STK11: variants seen among roughly 807,000 people sequenced by gnomAD.
The protein encoded by STK11 is serine/threonine-protein kinase STK11.
A neutral mutation model predicts 47.3 loss-of-function variants in STK11; 8 were observed. The observed-to-expected ratio is 0.17, with a 90% confidence interval of 0.10 to 0.31. The LOEUF (loss-of-function observed/expected upper bound fraction) is 0.31, where lower values mean the gene tolerates loss of function less well. Ranked by LOEUF, STK11 falls within the 10% of genes least tolerant of loss-of-function variation. The pLI is 1.00. For synonymous variants in STK11, 330 were observed against 255.8 expected, an observed-to-expected ratio of 1.29 and a Z score of -2.77; for missense variants, 475 against 605.0, an observed-to-expected ratio of 0.79 and a Z score of 2.25.
intron 1 of STK11, among the ~76,000 whole-genome samples, chr19:1,217,910 C>G (rs1167984206): frequency 1.3e-5 from 2 of 152,026 alleles, no homozygotes; most frequent in Non-Finnish European, 2.9e-5. Flanking sequence ...TTTGGGAGGC[C>G]GAGGCGGGCG....
At position 1,206,904 on chromosome 19, in the gene STK11, T is replaced by C; in HGVS notation, c.-10T>C. ...GGCTGGCGGCGGGACTCCAGGACCCTGGGTCCAGCATGGAGGTGGTGGACC... is the reference window on the plus strand; with the variant it reads ...GGCTGGCGGCGGGACTCCAGGACCCCGGGTCCAGCATGGAGGTGGTGGACC... On this transcript the variant is annotated 5_prime_UTR_variant, in exon 1 of 10. Transcript: ENST00000326873. 1 of 1,565,358 alleles carries C rather than the reference T, an allele frequency of 6.4e-7. No homozygotes were observed. The highest frequency in any genetic ancestry group is 8.7e-7 in the Non-Finnish European group (1 of 1,154,828).
intron 1 of STK11, among the ~76,000 whole-genome samples, chr19:1,210,863 G>GA (rs952948413): frequency 1.2e-4 from 17 of 136,988 alleles, no homozygotes; most frequent in South Asian, 2.4e-4. Context: ...ACTCCGTCTC[G>GA]AAAAAAAAAA....
intron 1 of STK11, among the ~76,000 whole-genome samples, chr19:1,211,938 G>C (rs1239653258): frequency 1.3e-5 from 2 of 152,228 alleles, no homozygotes; most frequent in Non-Finnish European, 2.9e-5. Flanking sequence ...CATCTGCTGA[G>C]GCCCCTGCGC....
chr19:1,218,569 C>T (rs1010966333), intron 2 of STK11, 69 bp downstream of exon 2: 21 of 1,323,352 alleles, frequency 1.6e-5, no homozygotes, highest in South Asian at 3.5e-5. Flanking sequence ...CCGCCTGCCT[C>T]GAGGCCTGCT....
Position 1,227,885 on chromosome 19 carries a change from GC to G in STK11, c.*313del. ...CATGCACTTTATGTGGAGACTACTG[GC>G]CCCGCCCGTGGCCTCGTGCTCCGCA... is the stretch of plus-strand genomic sequence containing the variant. On this transcript the variant is annotated 3_prime_UTR_variant, in exon 10 of 10. Coordinates refer to ENST00000326873, the MANE Select transcript of STK11 (RefSeq NM_000455.5). The G allele has an allele frequency of 9.4e-7, 1 of 1,069,406 alleles. No individual in the cohort carries two copies. The highest frequency in any genetic ancestry group is 1.1e-6 in the Non-Finnish European group (1 of 881,812). 66.2% of individuals were successfully genotyped at this position (1,069,406 alleles called of 1,614,324 possible).
Position 1,227,656 on chromosome 19 carries a change from C to T in STK11, c.*80C>T, listed in dbSNP as rs1484019445. On this transcript the variant is annotated 3_prime_UTR_variant, in exon 10 of 10. Coordinates refer to ENST00000326873, the MANE Select transcript of STK11 (RefSeq NM_000455.5). ...CCTCAGTCTTCCTGCCGGTTCCGCC[C>T]GCCCTCCCGGAGAGGTGGCCGCCAT... 2 of 1,068,150 alleles carry T rather than the reference C, an allele frequency of 1.9e-6. No individual in the cohort carries two copies. The highest frequency in any genetic ancestry group is 1.1e-6 in the Non-Finnish European group (1 of 881,150). The allele number at this position is 1,068,150 out of a possible 1,614,324, so 66.2% of individuals were successfully genotyped here.
At chr19:1,208,784 A>ATTT (rs138858798) in intron 1 of STK11, among the ~76,000 whole-genome samples, 19 of 121,774 alleles carry the variant, frequency 1.6e-4, no homozygotes, top group South Asian at 5.6e-4. Context: ...TGCCCAGCTA[A>ATTT]TTTTTTTTTT....
At position 1,221,223 on chromosome 19, in the gene STK11, A is replaced by T; in HGVS notation, c.745A>T (p.Thr249Ser). ...CCCCTCGAAATGAAGCTACAACATCACCACGGGTCTGTACCCCTTCGAAGG... is the reference window on the plus strand; with the variant it reads ...CCCCTCGAAATGAAGCTACAACATCTCCACGGGTCTGTACCCCTTCGAAGG... ...WSAGVTLYNI[T>S]TGLYPFEGDN... The change falls in exon 6 of 10, where the codon ACC (threonine) becomes TCC (serine). Residue 249 changes from threonine to serine, a missense_variant. Physicochemically the swap from Thr to Ser is moderately conservative, Grantham distance 58. Coordinates refer to ENST00000326873, the MANE Select transcript of STK11 (RefSeq NM_000455.5). The T allele has an allele frequency of 6.2e-7, 1 of 1,612,152 alleles. No homozygotes were observed. Among genetic ancestry groups the T allele is most frequent in the South Asian group, 1.1e-5 (1 of 91,056 alleles).
intron 7 of STK11, among the ~76,000 whole-genome samples, chr19:1,222,593 C>T (rs1393815879): frequency 6.6e-6 from 1 of 152,182 alleles, no homozygotes; most frequent in Non-Finnish European, 1.5e-5. Context: ...CCTTGGGGGT[C>T]TCTGCACAGC....
intron 8 of STK11, chr19:1,224,738 C>T: frequency 1.0e-6 from 1 of 985,790 alleles, no homozygotes; most frequent in South Asian, 4.7e-5. Flanking sequence ...TTTCATGACC[C>T]TGCTAAGCCC....
rs1048279720 is a variant in STK11 at position 1,224,141 on chromosome 19, C to G, written c.1108+969C>G. On this transcript the variant is annotated intron_variant, in intron 8 of 9. Coordinates refer to ENST00000326873, the MANE Select transcript of STK11 (RefSeq NM_000455.5). ...CTAGGCTCAGCTCAGTAGCTGGTCCCCAGGAGAGTACAGTGTGGGGGCCCC... is the reference window on the plus strand; with the variant it reads ...CTAGGCTCAGCTCAGTAGCTGGTCCGCAGGAGAGTACAGTGTGGGGGCCCC... 4.0e-6 allele frequency: 4 copies of G among 988,308 alleles called. No individual in the cohort carries two copies. The African/African-American group carries it at 7.0e-5, about 17-fold the overall frequency. The allele number at this position is 988,308 out of a possible 1,614,324, so 61.2% of individuals were successfully genotyped here. A position where few individuals can be genotyped will look rare whatever the true frequency, so the allele number is the denominator to read the frequency against.
intron 8 of STK11, chr19:1,225,070 C>G (rs536417323): frequency 2.0e-6 from 2 of 986,000 alleles, no homozygotes; most frequent in Non-Finnish European, 1.2e-6. Flanking sequence ...CTGCCAACAC[C>G]CAGATCCCAG....
chr19:1,226,708 T>G, intron 9 of STK11, 45 bp downstream of exon 9: 5 of 1,447,398 alleles, frequency 3.5e-6, no homozygotes, highest in Non-Finnish European at 4.5e-6. Flanking sequence ...GGACAACGCC[T>G]GGATGCCACA....
At position 1,223,078 on chromosome 19, in the gene STK11, G is replaced by A. The variant is rs375462277; in HGVS notation, c.1014G>A (p.Val338=). The A allele has an allele frequency of 1.2e-6, 2 of 1,608,512 alleles. No homozygotes were observed. The highest frequency in any genetic ancestry group is 8.5e-7 in the Non-Finnish European group (1 of 1,178,162). Residue 338 remains valine, a synonymous_variant, in exon 8 of 10, where the codon GTG becomes GTA. Transcript: ENST00000326873. ...TKDRWRSMTV[V]PYLEDLHGAD... ...ACCGGTGGCGCAGCATGACTGTGGTGCCGTACTTGGAGGACCTGCACGGCG... is the reference window on the plus strand; with the variant it reads ...ACCGGTGGCGCAGCATGACTGTGGTACCGTACTTGGAGGACCTGCACGGCG...
At chr19:1,215,176 C>T (rs1463816237) in intron 1 of STK11, among the ~76,000 whole-genome samples, 1 of 152,196 alleles carries the variant, frequency 6.6e-6, no homozygotes, top group Non-Finnish European at 1.5e-5. Context: ...CTTTGCCGAG[C>T]CCAGCCTCAC....
At chr19:1,211,300 TTAAAA>T (rs1333323971) in intron 1 of STK11, among the ~76,000 whole-genome samples, 1 of 152,128 alleles carries the variant, frequency 6.6e-6, no homozygotes, top group African/African-American at 2.4e-5. Context: ...AAACAATTAA[TTAAAA>T]TAAAATCAGT....
rs562538610 is a variant in STK11, at chr19:1,209,075, G to T, written c.290+1872G>T. 1.9e-4 allele frequency among the ~76,000 whole-genome samples: 29 copies of T among 152,286 alleles called. 1 individual carries two copies. In the Middle Eastern group the frequency reaches 0.024, roughly 125 times the overall value. On this transcript the variant is annotated intron_variant, in intron 1 of 9. Transcript: ENST00000326873. ...GGCCTTTCTGATGTCTCAGTGCCCA[G>T]TCTGGACCCGGGTAGAAGGTGTGGC...
intron 1 of STK11, among the ~76,000 whole-genome samples, chr19:1,211,306 T>G (rs984293537): frequency 5.3e-5 from 8 of 152,036 alleles, no homozygotes; most frequent in Admixed American, 5.2e-4. Flanking sequence ...TTAATTAAAA[T>G]AAAATCAGTG....
Position 1,227,705 on chromosome 19 carries a change from G to T in STK11, c.*129G>T. 9.3e-7 allele frequency: 1 copy of T among 1,070,292 alleles called. No individual in the cohort carries two copies. Among genetic ancestry groups the T allele is most frequent in the Non-Finnish European group, 1.1e-6 (1 of 882,344 alleles). The allele number at this position is 1,070,292 out of a possible 1,614,324, so 66.3% of individuals were successfully genotyped here. A position where few individuals can be genotyped will look rare whatever the true frequency, so the allele number is the denominator to read the frequency against. ...ATGCTTCTGTGCCGACCACGCCCCA[G>T]GACCTCCGGAGCGCCCTGCAGGGCC... is the stretch of plus-strand genomic sequence containing the variant. On this transcript the variant is annotated 3_prime_UTR_variant, in exon 10 of 10. Coordinates refer to ENST00000326873, the MANE Select transcript of STK11 (RefSeq NM_000455.5).
Sources: gnomAD v4.1 joint callset for allele counts (sites outside exome capture counted in the v4.1 genomes callset) on GRCh38, gnomAD v4.1.1 for gene constraint, MANE v1.5 for transcripts, NCBI Gene and HGNC (gene_info 2026-07-23, HGNC 2026-07-21) for gene names.